SPPL2B: variants seen among roughly 807,000 people sequenced by gnomAD.
The protein encoded by SPPL2B is signal peptide peptidase like 2B.
Under a neutral mutation model 59.7 loss-of-function variants are expected in SPPL2B, and 39 were observed. The ratio of observed to expected loss-of-function variants is 0.65; its 90% CI spans 0.51 to 0.85. The LOEUF is 0.85. Among genes scored for constraint, SPPL2B ranks in the 40% least tolerant of loss-of-function variants. The pLI is 0.00. For missense variants in SPPL2B, 865 were observed against 849.0 expected (o/e 1.02, Z -0.23); for synonymous variants, 419 against 370.8 (o/e 1.13, Z -1.49).
chr19:2,338,880 A>G (rs759955023), intron 4 of SPPL2B, 39 bp downstream of exon 4: 2 of 1,593,990 alleles, frequency 1.3e-6, no homozygotes, highest in Non-Finnish European at 1.7e-6. Context: ...TCCCGAGGAG[A>G]TGGGGCAGGG....
chr19:2,338,731 C>T, intron 3 of SPPL2B, 21 bp from the exon 4 acceptor site: 1 of 1,583,740 alleles, frequency 6.3e-7, no homozygotes, highest in Non-Finnish European at 8.7e-7. Flanking sequence ...ATGCCTGCCG[C>T]TCCCTCCTCT....
chr19:2,336,893 CTGTGGGTG>C (rs1292523726), intron 2 of SPPL2B, among the ~76,000 whole-genome samples: 2 of 132,514 alleles, frequency 1.5e-5, no homozygotes, highest in South Asian at 2.3e-4. Flanking sequence ...ACTGGTCTGG[CTGTGGGTG>C]TGTGTGTGTG....
At position 2,353,117 on chromosome 19, in the gene SPPL2B, G is replaced by T; in HGVS notation, c.1687G>T (p.Ala563Ser). 1 of 1,610,626 alleles carries T rather than the reference G, an allele frequency of 6.2e-7. No individual in the cohort carries two copies. ...SRTSEEMGAG[A>S]PMREPGSPAE... The stretch of plus-strand genomic sequence containing the variant: ...CACGTCCGAGGAGATGGGGGCTGGA[G>T]CCCCCATGCGGGAGCCTGGGAGCCC... The change falls in exon 15 of 15, where the codon GCC becomes TCC. Residue 563 changes from alanine to serine, a missense_variant. Physicochemically the swap from Ala to Ser is moderately conservative, Grantham distance 99. Coordinates refer to ENST00000613503, the MANE Select transcript of SPPL2B (RefSeq NM_152988.3).
chr19:2,339,495 C>T (rs1968880777), intron 5 of SPPL2B, among the ~76,000 whole-genome samples: 1 of 152,318 alleles, frequency 6.6e-6, no homozygotes, highest in Admixed American at 6.5e-5. Flanking sequence ...GCCAGCTACC[C>T]TCTTCCTGCT....
intron 13 of SPPL2B, among the ~76,000 whole-genome samples, chr19:2,349,712 G>GCA (rs1969770522): frequency 8.2e-6 from 1 of 122,504 alleles, no homozygotes; most frequent in African/African-American, 3.6e-5. Context: ...ACACACACTC[G>GCA]TGTTCTCATT....
At chr19:2,343,397 C>A in intron 9 of SPPL2B, 105 bp downstream of exon 9, 1 of 969,724 alleles carries the variant, frequency 1.0e-6, no homozygotes, top group African/African-American at 1.6e-5. Context: ...TGTGCTCCTG[C>A]TCACTGCCCT....
chr19:2,330,246 T>TA (rs898019726), intron 1 of SPPL2B: 15 of 151,358 alleles, frequency 9.9e-5, no homozygotes, highest in African/African-American at 3.6e-4. Flanking sequence ...TAGCTGGGAT[T>TA]ACAGGTGCAT....
In SPPL2B at chr19:2,353,746, G is replaced by C. The variant is rs1173366348; in HGVS notation, c.*537G>C. ...AGCCTAGGACACGGACCAGTGGCCG[G>C]GGCGGCCTCTGGCCCCTGACGCTGG... On this transcript the variant is annotated 3_prime_UTR_variant, in exon 15 of 15. Coordinates refer to ENST00000613503, the MANE Select transcript of SPPL2B (RefSeq NM_152988.3). 1 of 154,866 alleles carries C rather than the reference G, an allele frequency of 6.5e-6. No individual in the cohort carries two copies. The highest frequency in any genetic ancestry group is 1.9e-4 in the East Asian group (1 of 5,186). The allele number at this position is 154,866 out of a possible 1,614,324, so 9.6% of individuals were successfully genotyped here. A position where few individuals can be genotyped will look rare whatever the true frequency, so the allele number is the denominator to read the frequency against.
chr19:2,340,535 T>TC, intron 7 of SPPL2B: 1 of 582,064 alleles, frequency 1.7e-6, no homozygotes, highest in Non-Finnish European at 3.1e-6. Flanking sequence ...CTGGGGGGTC[T>TC]CCAACAAAGT....
Position 2,355,019 on chromosome 19 carries a change from A to G in SPPL2B, c.*1810A>G, listed in dbSNP as rs972795428. 6.6e-6 allele frequency among the ~76,000 whole-genome samples: 1 copy of G among 152,212 alleles called. No homozygotes were observed. The stretch of plus-strand genomic sequence containing the variant: ...CCCTGTCACGCTTCTCAGCTCTGCC[A>G]CTGTTGCTGGAAAGCATCACAGACC... On this transcript the variant is annotated 3_prime_UTR_variant, in exon 15 of 15. Coordinates refer to ENST00000613503, the MANE Select transcript of SPPL2B (RefSeq NM_152988.3).
intron 9 of SPPL2B, among the ~76,000 whole-genome samples, 188 bp downstream of exon 9, chr19:2,343,480 C>A (rs980043051): frequency 3.3e-5 from 5 of 152,134 alleles, no homozygotes; most frequent in African/African-American, 1.2e-4. Flanking sequence ...GCTGAGGCGG[C>A]CTGGGTGGGT....
At position 2,340,989 on chromosome 19, in the gene SPPL2B, T is replaced by C. The variant is rs1968996294; in HGVS notation, c.931T>C (p.Trp311Arg). Residue 311 changes from tryptophan (W) to arginine (R), a missense_variant, in exon 8 of 15, where the codon TGG becomes CGG. Trp to Arg is a moderately radical substitution (Grantham distance 101). Coordinates refer to ENST00000613503, the MANE Select transcript of SPPL2B (RefSeq NM_152988.3). The stretch of plus-strand genomic sequence containing the variant: ...CTTCTGCGTGGCCGTCAGCGTGGTG[T>C]GGGGCGTCTTCCGCAACGAGGACCA... ...ALFCVAVSVV[W>R]GVFRNEDQWA... 6.2e-7 allele frequency: 1 copy of C among 1,604,598 alleles called. No individual in the cohort carries two copies. The highest frequency in any genetic ancestry group is 8.5e-7 in the Non-Finnish European group (1 of 1,179,532).
chr19:2,351,362 A>T, intron 13 of SPPL2B, 72 bp from the exon 14 acceptor site: 1 of 1,294,574 alleles, frequency 7.7e-7, no homozygotes, highest in Non-Finnish European at 1.1e-6. Context: ...CAGCCCGCTC[A>T]CGTTCTTCCC....
intron 7 of SPPL2B, chr19:2,340,521 G>A: frequency 1.7e-6 from 1 of 593,982 alleles, no homozygotes; most frequent in Non-Finnish European, 3.1e-6. Context: ...GGTAAAGGGA[G>A]CTGCTGGGGG....
chr19:2,351,754 G>A (rs1969937403), intron 14 of SPPL2B, 160 bp downstream of exon 14: 28 of 976,860 alleles, frequency 2.9e-5, no homozygotes, highest in Middle Eastern at 6.1e-4. Context: ...GTGAGGCCCC[G>A]GTGGAAGGAC....
chr19:2,353,165 C>T lies in SPPL2B; in HGVS notation c.1735C>T (p.Gln579Ter), dbSNP rs752490510. 1 of 1,608,948 alleles carries T rather than the reference C, an allele frequency of 6.2e-7. No individual in the cohort carries two copies. The highest frequency in any genetic ancestry group is 2.2e-5 in the East Asian group (1 of 44,852). The change falls in exon 15 of 15, where the codon CAG becomes TAG. Residue 579 changes from glutamine (Q) to a stop codon, truncating the protein, a stop_gained. Transcript: ENST00000613503. LOFTEE classifies it low-confidence loss of function (END_TRUNC). ...GSPAESEGRD[Q>*]AQPSPVTQPG... ...CCCAGCTGAATCCGAGGGCCGGGAC[C>T]AGGCCCAGCCGTCCCCGGTAACCCA...
At chr19:2,343,349 C>A in intron 9 of SPPL2B, 57 bp downstream of exon 9, 1 of 1,401,240 alleles carries the variant, frequency 7.1e-7, no homozygotes, top group South Asian at 1.2e-5. Context: ...GCCCTTCATC[C>A]TAGCCTGGCC....
chr19:2,347,068 C>T (rs1484362563), intron 13 of SPPL2B, among the ~76,000 whole-genome samples: 6 of 152,328 alleles, frequency 3.9e-5, no homozygotes, highest in African/African-American at 9.6e-5. Flanking sequence ...CCGTGTGCCC[C>T]GTTCTCAGAG....
chr19:2,335,576 C>T (rs547096406), intron 2 of SPPL2B, among the ~76,000 whole-genome samples: 1 of 151,096 alleles, frequency 6.6e-6, no homozygotes, highest in African/African-American at 2.4e-5. Flanking sequence ...CCCTCTGGCC[C>T]CGCCTCCTTT....
Sources: gnomAD v4.1 joint callset for allele counts (sites outside exome capture counted in the v4.1 genomes callset) on GRCh38, gnomAD v4.1.1 for gene constraint, MANE v1.5 for transcripts, NCBI Gene and HGNC (gene_info 2026-07-23, HGNC 2026-07-21) for gene names.